RBM22: variants seen among roughly 807,000 people sequenced by gnomAD.
RBM22 encodes the protein pre-mRNA-splicing factor RBM22.
RBM22 carries 1 observed loss-of-function variant against 50.1 expected under a neutral mutation model. The observed-to-expected ratio is 0.02, with a 90% CI of 0.01 to 0.09. The LOEUF (loss-of-function observed/expected upper bound fraction) is 0.09, where lower values mean the gene tolerates loss of function less well. RBM22 is among the 10% of genes least tolerant of loss of function. The pLI is 1.00. For missense variants in RBM22, 264 were observed against 529.3 expected, an observed-to-expected ratio of 0.50 and a Z score of 4.92; for synonymous variants, 152 against 179.0, an observed-to-expected ratio of 0.85 and a Z score of 1.20.
chr5:150,692,428 A>G (rs1759220187), intron 10 of RBM22, among the ~76,000 whole-genome samples: 1 of 152,066 alleles, frequency 6.6e-6, no homozygotes, highest in African/African-American at 2.4e-5. Flanking sequence ...AAATTATACG[A>G]CCAGGCACAG....
At chr5:150,693,066 A>G (rs1405768477) in intron 9 of RBM22, 40 bp from the exon 10 acceptor site, 1 of 1,581,126 alleles carries the variant, frequency 6.3e-7, no homozygotes, top group African/African-American at 1.4e-5. Flanking sequence ...AGGGGAGAAC[A>G]ATTGTGCAAC....
chr5:150,700,516 C>A lies in RBM22; in HGVS notation c.55-19G>T. On this transcript the variant is annotated intron_variant, in intron 1 of 10. Transcript: ENST00000199814. ...GGAAGTCCTGGTGAAAATGGGAAATCTGGTTGAGGACCACCCTCCGAAGAC... is the reference window on the plus strand; with the variant it reads ...GGAAGTCCTGGTGAAAATGGGAAATATGGTTGAGGACCACCCTCCGAAGAC... The A allele has an allele frequency of 6.2e-7, 1 of 1,614,070 alleles. No homozygotes were observed. The highest frequency in any genetic ancestry group is 8.5e-7 in the Non-Finnish European group (1 of 1,180,020).
intron 10 of RBM22, 86 bp downstream of exon 10, chr5:150,692,809 T>A (rs1179973138): frequency 2.2e-5 from 30 of 1,366,528 alleles, no homozygotes; most frequent in Non-Finnish European, 2.8e-5. Context: ...CTCACAGGAT[T>A]TGGATGTGTT....
At chr5:150,699,372 T>A in intron 2 of RBM22, 101 bp from the exon 3 acceptor site, 1 of 1,417,622 alleles carries the variant, frequency 7.1e-7, no homozygotes, top group South Asian at 1.4e-5. Flanking sequence ...TGTCTGGAAA[T>A]CCCTGGCATC....
At chr5:150,700,404 G>T in intron 2 of RBM22, 40 bp downstream of exon 2, 1 of 1,561,086 alleles carries the variant, frequency 6.4e-7, no homozygotes, top group South Asian at 1.1e-5. Flanking sequence ...CCACAACATC[G>T]ACAGGACATG....
intron 9 of RBM22, 45 bp downstream of exon 9, chr5:150,693,174 C>T: frequency 6.3e-6 from 10 of 1,578,446 alleles, no homozygotes; most frequent in Non-Finnish European, 8.7e-6. Context: ...ATAGGAACAT[C>T]AGGGCAGAAA....
At chr5:150,693,378 C>T (rs1447037705) in intron 8 of RBM22, 71 bp from the exon 9 acceptor site, 1 of 1,235,878 alleles carries the variant, frequency 8.1e-7, no homozygotes, top group Non-Finnish European at 1.2e-6. Flanking sequence ...CTTACATTCC[C>T]CAGTCCAATG....
At position 150,696,007 on chromosome 5, in the gene RBM22, C is replaced by T. The variant is rs1561678592; in HGVS notation, c.546-301G>A. Among the ~76,000 whole-genome samples, 1 of 149,470 alleles carries T rather than the reference C, an allele frequency of 6.7e-6. No homozygotes were observed. The highest frequency in any genetic ancestry group is 1.5e-5 in the Non-Finnish European group (1 of 67,610). Reference sequence around the variant, plus strand: ...CCCTCCCGCCCCCCAGAAAGGGACACATGATTACCCCTCTCTAGGTCAATG... The same window carrying T: ...CCCTCCCGCCCCCCAGAAAGGGACATATGATTACCCCTCTCTAGGTCAATG... On this transcript the variant is annotated intron_variant, in intron 6 of 10. Transcript: ENST00000199814. This position sits in a 1 kb window ranked among gnomAD's most constrained non-coding sequence, Gnocchi z 4.3.
In RBM22 at chr5:150,695,968, T is replaced by C. The variant is rs1037094900; in HGVS notation, c.546-262A>G. ...AACTTTCCTTATAAATAAATACTCT[T>C]GACATGATCCACCCCCTCCCGCCCC... On this transcript the variant is annotated intron_variant, in intron 6 of 10. Transcript: ENST00000199814. 2.7e-5 allele frequency among the ~76,000 whole-genome samples: 4 copies of C among 147,622 alleles called. No homozygotes were observed. In the Admixed American group the frequency reaches 2.8e-4, roughly 10 times the overall value.
Position 150,700,962 on chromosome 5 carries a change from G to A in RBM22, c.24C>T (p.Asn8=). 1 of 1,614,246 alleles carries A rather than the reference G, an allele frequency of 6.2e-7. No individual in the cohort carries two copies. Among genetic ancestry groups the A allele is most frequent in the South Asian group, 1.1e-5 (1 of 91,090 alleles). MATSLGS[N]TYNRQNWEDA... ...CCTCCCAGTTCTGCCTGTTGTAGGTGTTGGAACCCAGAGAGGTCGCCATCT... is the reference window on the plus strand; with the variant it reads ...CCTCCCAGTTCTGCCTGTTGTAGGTATTGGAACCCAGAGAGGTCGCCATCT... Residue 8 remains asparagine, a synonymous_variant, in exon 1 of 11, where the codon AAC becomes AAT. Transcript: ENST00000199814.
chr5:150,697,015 A>G (rs1471405872), intron 4 of RBM22, 124 bp from the exon 5 acceptor site: 1 of 902,248 alleles, frequency 1.1e-6, no homozygotes, highest in Non-Finnish European at 1.7e-6. Context: ...AGACTTTACT[A>G]TGTTTTTATT....
At position 150,694,219 on chromosome 5, in the gene RBM22, T is replaced by C. The variant is rs756319769; in HGVS notation, c.768A>G (p.Gly256=). ...GCACAACAGTGATCGTCCGGATCTC[T>C]CCGAACTGGTAGAAATGATTTCTGA... ...TDLRNHFYQF[G]EIRTITVVQR... is the part of the protein sequence containing the mutation. The change falls in exon 8 of 11, where the codon GGA becomes GGG. Residue 256 remains glycine, a synonymous_variant. Coordinates refer to ENST00000199814, the MANE Select transcript of RBM22 (RefSeq NM_018047.3). 1 of 1,608,748 alleles carries C rather than the reference T, an allele frequency of 6.2e-7. No individual in the cohort carries two copies. The highest frequency in any genetic ancestry group is 8.5e-7 in the Non-Finnish European group (1 of 1,178,534).
At chr5:150,692,753 G>C (rs938577065) in intron 10 of RBM22, 142 bp downstream of exon 10, 2 of 997,900 alleles carry the variant, frequency 2.0e-6, no homozygotes, top group Non-Finnish European at 2.9e-6. Context: ...AAAAATTTCA[G>C]AAATCCCAAC....
intron 4 of RBM22, among the ~76,000 whole-genome samples, chr5:150,697,186 C>T (rs1186810547): frequency 1.3e-5 from 2 of 152,182 alleles, no homozygotes; most frequent in Non-Finnish European, 2.9e-5. Flanking sequence ...CTTTGCAAGG[C>T]TGGAGCTGAC....
intron 1 of RBM22, 76 bp from the exon 2 acceptor site, chr5:150,700,573 G>A (rs565007196): frequency 6.2e-6 from 10 of 1,606,052 alleles, no homozygotes; most frequent in South Asian, 3.3e-5. Context: ...GGGGTGGCGA[G>A]GGGGCGGGAA....
At position 150,694,236 on chromosome 5, in the gene RBM22, G is replaced by A. The variant is rs1275656238; in HGVS notation, c.751C>T (p.His251Tyr). ...DTITETDLRN[H>Y]FYQFGEIRTI... ...CGGATCTCTCCGAACTGGTAGAAAT[G>A]ATTTCTGAAGGGAAACAGGCAGAGA... Residue 251 changes from histidine (H) to tyrosine (Y), a missense_variant, in exon 8 of 11, where the codon CAT (histidine) becomes TAT (tyrosine). Physicochemically the swap from His to Tyr is moderately conservative, Grantham distance 83. This residue lies in a region of RBM22 where 62 missense variants were observed against 102.6 expected (regional missense o/e 0.60). Coordinates refer to ENST00000199814, the MANE Select transcript of RBM22 (RefSeq NM_018047.3). The A allele has an allele frequency of 1.9e-6, 3 of 1,607,266 alleles. No individual in the cohort carries two copies. The Admixed American group carries it at 5.1e-5, about 27-fold the overall frequency.
rs770292312 is a variant in RBM22 at position 150,700,796 on chromosome 5, T to G, written c.54+136A>C. ...GCAGGAGGATCGCCCTCCGCCCTCC[T>G]GCTCCGGCCAAGCTAGGCCGCCGCG... On this transcript the variant is annotated intron_variant, in intron 1 of 10. Coordinates refer to ENST00000199814, the MANE Select transcript of RBM22 (RefSeq NM_018047.3). 8.7e-5 allele frequency: 137 copies of G among 1,580,664 alleles called. 1 individual carries two copies. The highest frequency in any genetic ancestry group is 6.6e-4 in the Middle Eastern group (4 of 6,050).
At chr5:150,692,370 C>T (rs1759219504) in intron 10 of RBM22, among the ~76,000 whole-genome samples, 1 of 152,174 alleles carries the variant, frequency 6.6e-6, no homozygotes, top group African/African-American at 2.4e-5. Context: ...AGTGCCAGTC[C>T]TCCACCTATT....
Position 150,696,778 on chromosome 5 carries a change from A to G in RBM22, c.372+13T>C. The G allele has an allele frequency of 6.2e-7, 1 of 1,613,896 alleles. No homozygotes were observed. Among genetic ancestry groups the G allele is most frequent in the Non-Finnish European group, 8.5e-7 (1 of 1,179,752 alleles). ...AATTCATTAGGATTTTTATCCAAAA[A>G]GTGGCAGCATACCTCTCTCTCCATA... On this transcript the variant is annotated intron_variant, in intron 5 of 10. Transcript: ENST00000199814. The surrounding 1 kb of genome is among the most constrained non-coding windows in gnomAD (Gnocchi z 4.3).
Sources: gnomAD v4.1 joint callset for allele counts (sites outside exome capture counted in the v4.1 genomes callset) on GRCh38, gnomAD v4.1.1 for gene constraint, gnomAD v4.1.1 regional missense constraint, Gnocchi (gnomAD v3.1) non-coding constraint, MANE v1.5 for transcripts, NCBI Gene and HGNC (gene_info 2026-07-23, HGNC 2026-07-21) for gene names.